The following USP24 variants were observed in gnomAD, a reference collection of about 807,000 sequenced individuals.
The protein encoded by USP24 is ubiquitin carboxyl-terminal hydrolase 24.
A neutral mutation model predicts 361.6 loss-of-function variants in USP24; 97 were observed. The observed-to-expected ratio is 0.27, with a 90% CI of 0.23 to 0.32. The LOEUF (loss-of-function observed/expected upper bound fraction) is 0.32, where lower values mean the gene tolerates loss of function less well. Among genes scored for constraint, USP24 ranks in the 10% least tolerant of loss-of-function variants. The pLI, the probability that USP24 is intolerant of heterozygous loss-of-function variation, is 1.00. For missense variants in USP24, 2,353 were observed against 3,165.6 expected, an observed-to-expected ratio of 0.74 and a Z score of 6.16; for synonymous variants, 1,098 against 1,124.6, an observed-to-expected ratio of 0.98 and a Z score of 0.47.
chr1:55,081,739 C>A (rs548695200), intron 58 of USP24, among the ~76,000 whole-genome samples: 1 of 152,178 alleles, frequency 6.6e-6, no homozygotes, highest in Non-Finnish European at 1.5e-5. Flanking sequence ...CACTGTGCCG[C>A]GTAATGTGAG....
Position 55,159,609 on chromosome 1 carries a change from A to G in USP24, c.1068+2T>C. ...GCCTATCTGGCTGGAGAAGGCATTT[A>G]CCTTGTCTTTGAGGTCTTTCTCTTC... On this transcript the variant is annotated splice_donor_variant, in intron 9 of 67. Coordinates refer to ENST00000294383, the MANE Select transcript of USP24 (RefSeq NM_015306.3). LOFTEE classifies it high-confidence loss of function. 1.3e-6 allele frequency: 2 copies of G among 1,557,834 alleles called. No individual in the cohort carries two copies. The highest frequency in any genetic ancestry group is 8.7e-7 in the Non-Finnish European group (1 of 1,149,212).
intron 1 of USP24, 142 bp downstream of exon 1, chr1:55,214,648 T>G: frequency 3.8e-6 from 2 of 521,868 alleles, no homozygotes; most frequent in East Asian, 9.1e-5. Context: ...GCCTGGGGCT[T>G]CTCTCTCTCT....
chr1:55,200,005 T>A (rs1280637527), intron 1 of USP24, among the ~76,000 whole-genome samples: 1 of 152,122 alleles, frequency 6.6e-6, no homozygotes, highest in Non-Finnish European at 1.5e-5. Flanking sequence ...GATAAAACCA[T>A]CAGATCTTGT....
chr1:55,122,255 T>C (rs1646302773), intron 36 of USP24, among the ~76,000 whole-genome samples: 1 of 152,116 alleles, frequency 6.6e-6, no homozygotes, highest in Non-Finnish European at 1.5e-5. Context: ...GGTTGGGGAA[T>C]GTTTCAGTAA....
intron 26 of USP24, among the ~76,000 whole-genome samples, chr1:55,138,237 T>A (rs1646791997): frequency 6.6e-6 from 1 of 152,148 alleles, no homozygotes. Context: ...GCCTGGAATG[T>A]TCTCCCAAGC....
At chr1:55,072,453 T>C (rs1644940108) in intron 65 of USP24, 50 bp from the exon 66 acceptor site, 2 of 1,456,602 alleles carry the variant, frequency 1.4e-6, no homozygotes, top group Non-Finnish European at 1.9e-6. Context: ...TAAGCCCCCA[T>C]GGGTTCACAG....
chr1:55,086,246 T>C (rs1463715526), intron 55 of USP24: 5 of 586,336 alleles, frequency 8.5e-6, no homozygotes, highest in Non-Finnish European at 1.5e-5. Context: ...CAAGGCTCTG[T>C]TCAAAATTCA....
rs571615810 is a variant in USP24, at chr1:55,077,730, T to C, written c.7315-430A>G. Among the ~76,000 whole-genome samples the C allele has an allele frequency of 2.6e-4, 39 of 152,356 alleles. 1 individual carries two copies. The South Asian group carries it at 8.1e-3, about 32-fold the overall frequency. On this transcript the variant is annotated intron_variant, in intron 61 of 67. Transcript: ENST00000294383. The stretch of plus-strand genomic sequence containing the variant: ...AATAGAAAAATGTGCCAAGATATAC[T>C]AAGTGAAGAAGGCAAAATTCATAGA...
intron 36 of USP24, among the ~76,000 whole-genome samples, chr1:55,121,984 T>C (rs1181265470): frequency 1.3e-5 from 2 of 152,178 alleles, no homozygotes; most frequent in Admixed American, 6.5e-5. Flanking sequence ...TAAAACTTCA[T>C]TTCTGAATAT....
rs572736490 is a variant in USP24 at position 55,140,191 on chromosome 1, T to C, written c.2751-1181A>G. On this transcript the variant is annotated intron_variant, in intron 24 of 67. Coordinates refer to ENST00000294383, the MANE Select transcript of USP24 (RefSeq NM_015306.3). ...TCTCTGTAGTCCACCAAATATGAAA[T>C]GATTCCGAATAAAAAGCACTTAGTA... Among the ~76,000 whole-genome samples, 3 of 152,100 alleles carry C rather than the reference T, an allele frequency of 2.0e-5. No homozygotes were observed. In the South Asian group the frequency reaches 6.2e-4, roughly 32 times the overall value.
chr1:55,079,800 T>TCTCACAGAGTACTCACACAGAGTACA, intron 59 of USP24, 141 bp from the exon 60 acceptor site: 1 of 1,137,686 alleles, frequency 8.8e-7, no homozygotes, highest in Non-Finnish European at 1.2e-6. Flanking sequence ...CACTGAGTAC[T>TCTCACAGAGTACTCACACAGAGTACA]CACACACTGA....
chr1:55,084,153 C>T (rs943143222), intron 56 of USP24, among the ~76,000 whole-genome samples: 1 of 152,128 alleles, frequency 6.6e-6, no homozygotes, highest in Non-Finnish European at 1.5e-5. Context: ...TCAATTCTAC[C>T]GCTGAGTCAC....
intron 45 of USP24, 77 bp from the exon 46 acceptor site, chr1:55,098,635 C>CTTA: frequency 9.3e-7 from 1 of 1,069,576 alleles, no homozygotes; most frequent in Non-Finnish European, 1.4e-6. Context: ...TAACACATTG[C>CTTA]AATTTAAGGA....
chr1:55,078,213 G>C (rs961807090), intron 61 of USP24, among the ~76,000 whole-genome samples: 3 of 152,198 alleles, frequency 2.0e-5, no homozygotes, highest in Admixed American at 6.5e-5. Context: ...GTTGGTCCCT[G>C]GGGTAGCGTG....
chr1:55,070,381 G>A (rs914663021), intron 67 of USP24, among the ~76,000 whole-genome samples: 1 of 152,202 alleles, frequency 6.6e-6, no homozygotes, highest in Non-Finnish European at 1.5e-5. Context: ...GTACTAGGAA[G>A]GAGACAGAGA....
rs772110183 is a variant in USP24, at chr1:55,101,676, T to C, written c.5053A>G (p.Ser1685Gly). The C allele has an allele frequency of 1.9e-6, 3 of 1,612,142 alleles. No homozygotes were observed. The African/African-American group carries it at 4.0e-5, about 22-fold the overall frequency. The part of the protein sequence containing the change: ...DYLPPVDSRS[S>G]SGFVGLRNGG... ...TTTCTCAGCCCCACAAACCCTGAAC[T>C]GGACCTGCTATCCACTGGGGGAAGG... The change falls in exon 43 of 68, where the codon AGT becomes GGT. Residue 1685 changes from serine (S) to glycine (G), a missense_variant. Physicochemically the swap from Ser to Gly is moderately conservative, Grantham distance 56 (BLOSUM62 0). Coordinates refer to ENST00000294383, the MANE Select transcript of USP24 (RefSeq NM_015306.3).
At chr1:55,084,011 G>T in intron 56 of USP24, 123 bp from the exon 57 acceptor site, 1 of 744,202 alleles carries the variant, frequency 1.3e-6, no homozygotes, top group Non-Finnish European at 2.2e-6. Flanking sequence ...TCCAGTCTCA[G>T]ATTCAGATGG....
intron 24 of USP24, among the ~76,000 whole-genome samples, chr1:55,139,294 C>T (rs1201184334): frequency 6.6e-6 from 1 of 152,132 alleles, no homozygotes. Flanking sequence ...AAATGGAGGA[C>T]CTGGGTTTCT....
At chr1:55,157,561 G>A (rs1429688860) in intron 10 of USP24, among the ~76,000 whole-genome samples, 191 bp from the exon 11 acceptor site, 5 of 152,082 alleles carry the variant, frequency 3.3e-5, no homozygotes, top group African/African-American at 9.7e-5. Flanking sequence ...GGCCAGGCAC[G>A]GTGGCTCACG....
Sources: allele counts gnomAD v4.1 joint callset (sites outside exome capture counted in the v4.1 genomes callset), GRCh38; gene constraint gnomAD v4.1.1; transcripts MANE v1.5; gene names NCBI Gene and HGNC (gene_info 2026-07-23, HGNC 2026-07-21).